Variants in ABCC11 observed in about 807,000 individuals in gnomAD.
The protein encoded by ABCC11 is ATP binding cassette subfamily C member 11.
In ABCC11, 135 loss-of-function variants were observed where a neutral mutation model predicts 149.3. That is an observed-to-expected ratio of 0.90 (90% CI 0.79 to 1.04). The LOEUF is 1.04. Among genes scored for constraint, ABCC11 ranks in the 50% least tolerant of loss-of-function variants. The pLI, the probability that ABCC11 is intolerant of heterozygous loss-of-function variation, is 0.00. For synonymous variants in ABCC11, 665 were observed against 671.4 expected, an observed-to-expected ratio of 0.99 and a Z score of 0.15; for missense variants, 1,680 against 1,722.1, an observed-to-expected ratio of 0.98 and a Z score of 0.43.
chr16:48,174,147 C>T (rs1377264273), intron 26 of ABCC11, among the ~76,000 whole-genome samples: 1 of 152,158 alleles, frequency 6.6e-6, no homozygotes, highest in Admixed American at 6.5e-5. Flanking sequence ...CTAACAATTA[C>T]CCCTTCATAC....
chr16:48,197,934 C>G (rs1174039448), intron 17 of ABCC11, 37 bp downstream of exon 17: 1 of 1,606,326 alleles, frequency 6.2e-7, no homozygotes, highest in Admixed American at 1.7e-5. Flanking sequence ...CCCAGGCAGG[C>G]ATGCAGACAT....
intron 15 of ABCC11, among the ~76,000 whole-genome samples, chr16:48,199,546 G>C (rs1967746688): frequency 6.6e-6 from 1 of 152,102 alleles, no homozygotes; most frequent in African/African-American, 2.4e-5. Flanking sequence ...ACCAGAAGCA[G>C]TCATTGCACT....
At chr16:48,173,105 T>A (rs564304560) in intron 26 of ABCC11, among the ~76,000 whole-genome samples, 2 of 152,230 alleles carry the variant, frequency 1.3e-5, no homozygotes, top group African/African-American at 2.4e-5. Context: ...TTCTCCTCCA[T>A]GAGATGGGTA....
chr16:48,170,125 C>T lies in ABCC11; in HGVS notation c.3871G>A (p.Ala1291Thr). The T allele has an allele frequency of 6.2e-7, 1 of 1,614,056 alleles. No individual in the cohort carries two copies. Among genetic ancestry groups the T allele is most frequent in the Non-Finnish European group, 8.5e-7 (1 of 1,179,934 alleles). ...CTCACCTTGGAGTTGCGAAGCACAG[C>T]CCTGGCAATGCAGAGCAGCTGCCTC... ...GERQLLCIARAVLRNSKIILI... is the reference protein window; with the variant it reads ...GERQLLCIARTVLRNSKIILI... The change falls in exon 28 of 30, where the codon GCT (alanine) becomes ACT (threonine). Residue 1291 changes from alanine to threonine, a missense_variant. Physicochemically the swap from Ala to Thr is moderately conservative, Grantham distance 58. Transcript: ENST00000356608.
chr16:48,203,197 C>A (rs1358315131), intron 14 of ABCC11, 31 bp downstream of exon 14: 1 of 1,540,084 alleles, frequency 6.5e-7, no homozygotes, highest in Non-Finnish European at 8.8e-7. Context: ...ACCAACATTA[C>A]ACAGAGAAGG....
chr16:48,174,288 G>A (rs1461670961), intron 26 of ABCC11, among the ~76,000 whole-genome samples: 3 of 152,198 alleles, frequency 2.0e-5, no homozygotes, highest in Non-Finnish European at 4.4e-5. Flanking sequence ...TCCAGACCAG[G>A]CAGAAGCTCA....
At chr16:48,223,175 G>A (rs28540208) in intron 5 of ABCC11, among the ~76,000 whole-genome samples, 3,159 of 152,326 alleles carry the variant, frequency 0.021, 109 homozygotes, top group African/African-American at 0.072. Context: ...CATGAAGCTG[G>A]TGACAGCAGG....
At chr16:48,243,125 G>A (rs551628032) in intron 1 of ABCC11, among the ~76,000 whole-genome samples, 1 of 151,764 alleles carries the variant, frequency 6.6e-6, no homozygotes, top group Non-Finnish European at 1.5e-5. Context: ...AATTGGACGG[G>A]CGCAGTGGCT....
At chr16:48,246,367 T>C (rs1336371883) in intron 1 of ABCC11, among the ~76,000 whole-genome samples, 1 of 152,210 alleles carries the variant, frequency 6.6e-6, no homozygotes, top group Non-Finnish European at 1.5e-5. Flanking sequence ...TTTCCCAAAT[T>C]ATTTTGCCTT....
chr16:48,192,516 A>C lies in ABCC11; in HGVS notation c.2706+4T>G, dbSNP rs750124531. The C allele has an allele frequency of 6.2e-7, 1 of 1,614,142 alleles. No individual in the cohort carries two copies. Reference sequence around the variant, plus strand: ...TCGGCCCCACCCAGCACCCAGGCCCATACCTTGTTGAAGAGCTTGTTGTGC... The same window carrying C: ...TCGGCCCCACCCAGCACCCAGGCCCCTACCTTGTTGAAGAGCTTGTTGTGC... On this transcript the variant is annotated splice_donor_region_variant and intron_variant, in intron 20 of 29. Coordinates refer to ENST00000356608, the MANE Select transcript of ABCC11 (RefSeq NM_001370497.1).
intron 10 of ABCC11, 150 bp from the exon 11 acceptor site, chr16:48,211,349 A>G: frequency 1.0e-6 from 1 of 967,202 alleles, no homozygotes; most frequent in South Asian, 1.7e-5. Flanking sequence ...CCAGTTAGGA[A>G]AGGCCAGTTT....
intron 3 of ABCC11, among the ~76,000 whole-genome samples, chr16:48,229,492 C>G (rs1256534996): frequency 2.2e-5 from 3 of 134,474 alleles, no homozygotes; most frequent in African/African-American, 8.8e-5. Context: ...GAGGCTCGCT[C>G]TGTCACCCAG....
intron 26 of ABCC11, among the ~76,000 whole-genome samples, chr16:48,173,687 C>T (rs529021143): frequency 3.9e-4 from 59 of 152,250 alleles, no homozygotes; most frequent in Non-Finnish European, 6.0e-4. Context: ...TGCAGTAGCA[C>T]GATCTCGGCT....
chr16:48,201,915 T>A (rs1968015428), intron 14 of ABCC11, among the ~76,000 whole-genome samples: 1 of 152,188 alleles, frequency 6.6e-6, no homozygotes, highest in Admixed American at 6.5e-5. Flanking sequence ...TAGTTCCTGT[T>A]CTATCCTGAC....
At chr16:48,188,329 T>A (rs965279669) in intron 20 of ABCC11, among the ~76,000 whole-genome samples, 3 of 152,244 alleles carry the variant, frequency 2.0e-5, no homozygotes, top group Non-Finnish European at 4.4e-5. Flanking sequence ...AGCCCCAGTC[T>A]GGGGTTTACC....
chr16:48,234,256 G>A (rs1970575394), intron 1 of ABCC11, among the ~76,000 whole-genome samples: 2 of 152,202 alleles, frequency 1.3e-5, no homozygotes, highest in African/African-American at 4.8e-5. Context: ...TATAATAGAT[G>A]TAAGTAACCT....
chr16:48,201,653 T>G (rs113217909), intron 14 of ABCC11, among the ~76,000 whole-genome samples: 1 of 152,080 alleles, frequency 6.6e-6, no homozygotes, highest in East Asian at 1.9e-4. Context: ...TGTGGGACCA[T>G]TGGCCTGGGT....
chr16:48,245,469 T>C (rs1218907020), intron 1 of ABCC11, among the ~76,000 whole-genome samples: 2 of 152,236 alleles, frequency 1.3e-5, no homozygotes, highest in African/African-American at 4.8e-5. Context: ...CTTTGCACCA[T>C]GCATGATGGA....
At chr16:48,175,153 C>A in intron 26 of ABCC11, 105 bp downstream of exon 26, 1 of 1,433,336 alleles carries the variant, frequency 7.0e-7, no homozygotes, top group South Asian at 1.4e-5. Context: ...CCAAGGAGGC[C>A]TGGAAATCGG....
Sources: allele counts gnomAD v4.1 joint callset (sites outside exome capture counted in the v4.1 genomes callset), GRCh38; gene constraint gnomAD v4.1.1; transcripts MANE v1.5; gene names NCBI Gene and HGNC (gene_info 2026-07-23, HGNC 2026-07-21).